The following DOCK2 variants were observed in gnomAD, a reference collection of about 807,000 sequenced individuals.
DOCK2 encodes dedicator of cytokinesis protein 2.
Under a neutral mutation model 248.9 loss-of-function variants are expected in DOCK2, and 87 were observed. The observed-to-expected ratio is 0.35, with a 90% CI of 0.29 to 0.42. The LOEUF (loss-of-function observed/expected upper bound fraction) is 0.42, where lower values mean the gene tolerates loss of function less well. Among genes scored for constraint, DOCK2 ranks in the 10% least tolerant of loss-of-function variants. The probability of loss-of-function intolerance (pLI) is 1.00; values close to 1 mark genes in which losing one functional copy is unlikely to be tolerated. For synonymous variants in DOCK2, 805 were observed against 821.6 expected (o/e 0.98, Z 0.35); for missense variants, 1,747 against 2,300.2 (o/e 0.76, Z 4.92).
chr5:169,984,150 A>T (rs1414662706), intron 28 of DOCK2, among the ~76,000 whole-genome samples: 3 of 152,176 alleles, frequency 2.0e-5, no homozygotes, highest in Non-Finnish European at 4.4e-5. Flanking sequence ...TCACAACTCT[A>T]CAATCTGCTT....
chr5:169,661,030 C>T (rs1758419702), intron 2 of DOCK2, among the ~76,000 whole-genome samples: 1 of 151,598 alleles, frequency 6.6e-6, no homozygotes, highest in South Asian at 2.1e-4. Flanking sequence ...GAAAATATGC[C>T]CAACTTTCTC....
At chr5:169,668,911 G>C (rs1029994697) in intron 2 of DOCK2, among the ~76,000 whole-genome samples, 15 of 152,100 alleles carry the variant, frequency 9.9e-5, no homozygotes, top group African/African-American at 3.6e-4. Context: ...TGGTCACAGG[G>C]CCCAGGAAGG....
chr5:169,711,958 G>A lies in DOCK2; in HGVS notation c.1506G>A (p.Met502Ile), dbSNP rs1228625365. ...TVKVAVPIEDMQRIHLRFMFR... is the reference protein window; with the variant it reads ...TVKVAVPIEDIQRIHLRFMFR... The stretch of plus-strand genomic sequence containing the variant: ...AGGTGGCTGTCCCTATTGAAGACAT[G>A]CAGAGGATCCATCTGCGATTCATGT... Residue 502 changes from methionine to isoleucine, a missense_variant, in exon 16 of 52, where the codon ATG becomes ATA. Transcript: ENST00000520908. 1 of 1,614,064 alleles carries A rather than the reference G, an allele frequency of 6.2e-7. No individual in the cohort carries two copies.
At chr5:170,002,291 T>G (rs1754864052) in intron 30 of DOCK2, among the ~76,000 whole-genome samples, 1 of 151,556 alleles carries the variant, frequency 6.6e-6, no homozygotes, top group South Asian at 2.1e-4. Flanking sequence ...GGAATTTGGT[T>G]AAAATTAAAG....
chr5:169,770,223 G>C (rs1765009814), intron 25 of DOCK2, among the ~76,000 whole-genome samples: 1 of 149,398 alleles, frequency 6.7e-6, no homozygotes, highest in Non-Finnish European at 1.5e-5. Flanking sequence ...AAGCTAGGAA[G>C]TTAACAATCA....
intron 40 of DOCK2, among the ~76,000 whole-genome samples, chr5:170,047,906 C>A (rs1441958918): frequency 6.6e-6 from 1 of 152,192 alleles, no homozygotes; most frequent in African/African-American, 2.4e-5. Flanking sequence ...TGTTTGCTGG[C>A]AGAGATTTGC....
chr5:169,808,945 T>TG (rs1308608028), intron 26 of DOCK2, among the ~76,000 whole-genome samples: 1 of 151,892 alleles, frequency 6.6e-6, no homozygotes, highest in Non-Finnish European at 1.5e-5. Flanking sequence ...TAAACCTGGG[T>TG]GGGGGGCTAC....
intron 27 of DOCK2, among the ~76,000 whole-genome samples, chr5:169,842,236 G>A (rs780571550): frequency 7.2e-5 from 11 of 152,222 alleles, no homozygotes; most frequent in African/African-American, 1.7e-4. Context: ...GGTGACATCC[G>A]TGGAGAGCAT....
intron 27 of DOCK2, among the ~76,000 whole-genome samples, chr5:169,921,949 G>A (rs1207473714): frequency 1.3e-5 from 2 of 152,212 alleles, no homozygotes; most frequent in African/African-American, 4.8e-5. Flanking sequence ...GCTCCAGAGA[G>A]GTTGGAGGAG....
chr5:169,884,312 A>G (rs1186449441), intron 27 of DOCK2: 1 of 157,874 alleles, frequency 6.3e-6, no homozygotes, highest in East Asian at 1.9e-4. Context: ...CCAGACTCCC[A>G]ATGAGTGAAT....
chr5:169,799,277 CTT>C (rs998298546), intron 25 of DOCK2, among the ~76,000 whole-genome samples: 1 of 152,212 alleles, frequency 6.6e-6, no homozygotes, highest in Non-Finnish European at 1.5e-5. Context: ...AAGAGGAAGA[CTT>C]TACCACTTTA....
At chr5:169,978,244 G>T (rs1400051593) in intron 27 of DOCK2, among the ~76,000 whole-genome samples, 6 of 152,020 alleles carry the variant, frequency 3.9e-5, no homozygotes, top group African/African-American at 1.4e-4. Flanking sequence ...AATCTTAGGT[G>T]AGTGAGGGTT....
intron 30 of DOCK2, among the ~76,000 whole-genome samples, chr5:170,002,870 C>T (rs1754888560): frequency 6.6e-6 from 1 of 152,206 alleles, no homozygotes; most frequent in Non-Finnish European, 1.5e-5. Flanking sequence ...ACTGTAGCTT[C>T]CCCTAGTCAG....
chr5:169,697,347 T>A (rs1049096414), intron 10 of DOCK2, among the ~76,000 whole-genome samples: 1 of 152,154 alleles, frequency 6.6e-6, no homozygotes, highest in Admixed American at 6.5e-5. Flanking sequence ...GTTGGCAAAT[T>A]ATCAGCCAGC....
At chr5:170,045,759 A>C (rs1251182191) in intron 38 of DOCK2, 57 bp from the exon 39 acceptor site, 1 of 1,541,764 alleles carries the variant, frequency 6.5e-7, no homozygotes, top group African/African-American at 1.4e-5. Context: ...TTCCTCAGCA[A>C]GCGCTCTGCA....
At chr5:170,008,369 A>G in intron 30 of DOCK2, 128 bp from the exon 31 acceptor site, 1 of 900,234 alleles carries the variant, frequency 1.1e-6, no homozygotes, top group Non-Finnish European at 1.7e-6. Context: ...AGAAAATTGC[A>G]GTGGGCACAA....
At chr5:169,900,884 A>G (rs1773884330) in intron 27 of DOCK2, among the ~76,000 whole-genome samples, 1 of 152,152 alleles carries the variant, frequency 6.6e-6, no homozygotes, top group African/African-American at 2.4e-5. Flanking sequence ...CCAGCAAATC[A>G]TCGATTAGGA....
intron 3 of DOCK2, among the ~76,000 whole-genome samples, chr5:169,669,977 G>A (rs528018040): frequency 2.6e-5 from 4 of 152,292 alleles, no homozygotes; most frequent in South Asian, 2.1e-4. Context: ...ATGCTGTGTC[G>A]GGAGGGATGG....
chr5:169,813,825 G>A (rs1767900181), intron 26 of DOCK2, among the ~76,000 whole-genome samples: 1 of 152,184 alleles, frequency 6.6e-6, no homozygotes, highest in Non-Finnish European at 1.5e-5. Context: ...CTTGGTTCCT[G>A]CAGTAGGTGA....
Sources: allele counts gnomAD v4.1 joint callset (sites outside exome capture counted in the v4.1 genomes callset), GRCh38; gene constraint gnomAD v4.1.1; transcripts MANE v1.5; gene names NCBI Gene and HGNC (gene_info 2026-07-23, HGNC 2026-07-21).